The following LIPE variants were observed in gnomAD, a reference collection of about 807,000 sequenced individuals.
The protein encoded by LIPE is hormone-sensitive lipase.
LIPE carries 66 observed loss-of-function variants against 88.5 expected under a neutral mutation model. That is an observed-to-expected ratio of 0.75 (90% confidence interval 0.61 to 0.91). The LOEUF (loss-of-function observed/expected upper bound fraction) is 0.91, where lower values mean the gene tolerates loss of function less well. Among genes scored for constraint, LIPE ranks in the 40% least tolerant of loss-of-function variants. The pLI is 0.00. For missense variants in LIPE, 1,346 were observed against 1,434.7 expected, an observed-to-expected ratio of 0.94 and a Z score of 1.00; for synonymous variants, 570 against 617.5, an observed-to-expected ratio of 0.92 and a Z score of 1.14.
In LIPE at chr19:42,426,994, A is replaced by C. The variant is rs1211910697; in HGVS notation, c.156T>G (p.Ala52=). ...LQGSNTQQKP[A]SNQRPLTQQE... ...GCTGGGTGAGGGGTCTTTGGTTTGAAGCAGGCTTCTGTTGGGTATTGGATC... is the reference window on the plus strand; with the variant it reads ...GCTGGGTGAGGGGTCTTTGGTTTGACGCAGGCTTCTGTTGGGTATTGGATC... Residue 52 remains alanine (A), a synonymous_variant, in exon 1 of 10, where the codon GCT becomes GCG. Coordinates refer to ENST00000244289, the MANE Select transcript of LIPE (RefSeq NM_005357.4). The C allele has an allele frequency of 2.5e-6, 4 of 1,613,584 alleles. No homozygotes were observed. The highest frequency in any genetic ancestry group is 3.4e-6 in the Non-Finnish European group (4 of 1,179,958).
rs1263816836 is a variant in LIPE, at chr19:42,410,025, A to C, written c.1419+282T>G. Among the ~76,000 whole-genome samples, 1 of 152,186 alleles carries C rather than the reference A, an allele frequency of 6.6e-6. No homozygotes were observed. Among genetic ancestry groups the C allele is most frequent in the African/African-American group, 2.4e-5 (1 of 41,420 alleles). On this transcript the variant is annotated intron_variant, in intron 2 of 9. Coordinates refer to ENST00000244289, the MANE Select transcript of LIPE (RefSeq NM_005357.4). The surrounding 1 kb of genome is among the most constrained non-coding windows in gnomAD (Gnocchi z 6.1). Reference sequence around the variant, plus strand: ...GCCAGACAGGTAACAAAGAGTGAATACATCTCTTGCATGTAGGACAATAGA... The same window carrying C: ...GCCAGACAGGTAACAAAGAGTGAATCCATCTCTTGCATGTAGGACAATAGA...
chr19:42,405,042 T>C (rs191879164), intron 8 of LIPE, among the ~76,000 whole-genome samples: 1 of 151,996 alleles, frequency 6.6e-6, no homozygotes, highest in East Asian at 1.9e-4. Context: ...TGCTAATTTA[T>C]TTTTTTGTAG....
chr19:42,405,578 G>T lies in LIPE; in HGVS notation c.2366-17C>A. On this transcript the variant is annotated splice_polypyrimidine_tract_variant and intron_variant, in intron 7 of 9. Transcript: ENST00000244289. ...TCTTTGCACCTGCAGAATATATGTG[G>T]GTAGCTGAGTTGTTTTCCCCTTTCT... 1 of 1,599,490 alleles carries T rather than the reference G, an allele frequency of 6.3e-7. No individual in the cohort carries two copies. The highest frequency in any genetic ancestry group is 8.5e-7 in the Non-Finnish European group (1 of 1,169,724).
At position 42,408,570 on chromosome 19, in the gene LIPE, A is replaced by G; in HGVS notation, c.1420-248T>C. On this transcript the variant is annotated intron_variant, in intron 2 of 9. Coordinates refer to ENST00000244289, the MANE Select transcript of LIPE (RefSeq NM_005357.4). The surrounding 1 kb of genome is among the most constrained non-coding windows in gnomAD (Gnocchi z 4.3). ...AAGGAATGACGAATGGTTTGGAAAA[A>G]AAAAAAGGCAGTAGGTGGAGAGGGC... 1 of 507,122 alleles carries G rather than the reference A, an allele frequency of 2.0e-6. No homozygotes were observed. The highest frequency in any genetic ancestry group is 2.1e-5 in the South Asian group (1 of 47,660). The allele number at this position is 507,122 out of a possible 1,614,324, so 31.4% of individuals were successfully genotyped here.
Position 42,401,667 on chromosome 19 carries a change from TCCCCGTGG to T in LIPE, c.*137_*144del. 1 of 476,046 alleles carries T rather than the reference TCCCCGTGG, an allele frequency of 2.1e-6. No homozygotes were observed. Among genetic ancestry groups the T allele is most frequent in the Non-Finnish European group, 3.5e-6 (1 of 282,572 alleles). 29.5% of individuals were successfully genotyped at this position (476,046 alleles called of 1,614,324 possible). A position where few individuals can be genotyped will look rare whatever the true frequency, so the allele number is the denominator to read the frequency against. ...TGACCGGTGTGTGTGCGCGTCCCCC[TCCCCGTGG>T]CGAGGGTCTCAGCTTTCGGGCCCCC... is the stretch of plus-strand genomic sequence containing the variant. On this transcript the variant is annotated 3_prime_UTR_variant, in exon 10 of 10. Coordinates refer to ENST00000244289, the MANE Select transcript of LIPE (RefSeq NM_005357.4).
At chr19:42,403,344 G>C (rs191501148) in intron 8 of LIPE, among the ~76,000 whole-genome samples, 100 of 148,510 alleles carry the variant, frequency 6.7e-4, no homozygotes, top group African/African-American at 2.3e-3. Context: ...TTTTCTTCTA[G>C]ATCAAGGAAA....
intron 1 of LIPE, among the ~76,000 whole-genome samples, chr19:42,413,984 A>G (rs982039048): frequency 2.0e-5 from 3 of 152,188 alleles, no homozygotes; most frequent in African/African-American, 7.2e-5. Context: ...AGCTGTGAAA[A>G]TGGGACGATG....
Position 42,401,832 on chromosome 19 carries a change from CCCCGTCTA to C in LIPE, c.3203_3210del (p.Val1068GlyfsTer20). ...GGCTTTTAGTGTCGCCCCCCGCAGCCCCCGTCTACCCCCGCAGCCCCCGTCTCCCCGCT... is the reference window on the plus strand; with the variant it reads ...GGCTTTTAGTGTCGCCCCCCGCAGCCCCCCCGCAGCCCCCGTCTCCCCGCT... On this transcript the variant is annotated frameshift_variant, in exon 10 of 10. Transcript: ENST00000244289. LOFTEE classifies it high-confidence loss of function. 6.7e-7 allele frequency: 1 copy of C among 1,492,766 alleles called. No homozygotes were observed. Among genetic ancestry groups the C allele is most frequent in the African/African-American group, 1.4e-5 (1 of 69,558 alleles). 92.5% of individuals were successfully genotyped at this position (1,492,766 alleles called of 1,614,324 possible).
intron 1 of LIPE, chr19:42,423,852 C>T: frequency 8.9e-7 from 1 of 1,123,364 alleles, no homozygotes; most frequent in South Asian, 2.1e-5. Context: ...AGCACCCCAG[C>T]AGGGAAGTCC....
intron 1 of LIPE, chr19:42,423,368 G>C (rs2040638759): frequency 5.6e-5 from 71 of 1,262,696 alleles, no homozygotes; most frequent in Non-Finnish European, 7.3e-5. Context: ...CCACTGCCCC[G>C]TAGGATGTAC....
chr19:42,426,228 G>C, intron 1 of LIPE, 39 bp downstream of exon 1: 1 of 1,548,450 alleles, frequency 6.5e-7, no homozygotes, highest in Non-Finnish European at 8.8e-7. Flanking sequence ...ATGAATGACT[G>C]TCCCTGAGAG....
At chr19:42,423,704 C>T in intron 1 of LIPE, 3 of 1,138,210 alleles carry the variant, frequency 2.6e-6, no homozygotes, top group Non-Finnish European at 3.3e-6. Flanking sequence ...CGCTGCCGTG[C>T]TCCGCCCCCA....
chr19:42,402,010 G>A lies in LIPE; in HGVS notation c.3033C>T (p.Gly1011=). The change falls in exon 10 of 10, where the codon GGC becomes GGT. Residue 1011 remains glycine, a synonymous_variant. Coordinates refer to ENST00000244289, the MANE Select transcript of LIPE (RefSeq NM_005357.4). ...VMLARRLRNL[G]QPVTLRVVED... ...CCACCACGCGCAGCGTCACCGGCTG[G>A]CCCAGGTTGCGCAGTCGCCGCGCGA... 6.5e-7 allele frequency: 1 copy of A among 1,546,526 alleles called. No individual in the cohort carries two copies. Among genetic ancestry groups the A allele is most frequent in the Non-Finnish European group, 8.7e-7 (1 of 1,147,270 alleles).
At chr19:42,419,286 TTAAAA>T (rs978334047) in intron 1 of LIPE, among the ~76,000 whole-genome samples, 12 of 151,640 alleles carry the variant, frequency 7.9e-5, no homozygotes, top group African/African-American at 2.2e-4. Flanking sequence ...CTCAAAAAAA[TTAAAA>T]TAAAATAAAT....
In LIPE at chr19:42,407,073, G is replaced by T; in HGVS notation, c.2137+101C>A. The T allele has an allele frequency of 2.9e-6, 3 of 1,034,262 alleles. No individual in the cohort carries two copies. Among genetic ancestry groups the T allele is most frequent in the African/African-American group, 1.6e-5 (1 of 61,950 alleles). 64.1% of individuals were successfully genotyped at this position (1,034,262 alleles called of 1,614,324 possible). On this transcript the variant is annotated intron_variant, in intron 6 of 9. Transcript: ENST00000244289. This position sits in a 1 kb window ranked among gnomAD's most constrained non-coding sequence, Gnocchi z 5.8. ...TGAGCAGGAGCTGGGAGGTGTGGGG[G>T]GAGAGAAAGGTAGAGGGTGTGAGGC...
In LIPE at chr19:42,408,265, C is replaced by G; in HGVS notation, c.1477G>C (p.Gly493Arg). 6.2e-7 allele frequency: 1 copy of G among 1,614,020 alleles called. No individual in the cohort carries two copies. Among genetic ancestry groups the G allele is most frequent in the Non-Finnish European group, 8.5e-7 (1 of 1,180,000 alleles). Residue 493 changes from glycine to arginine, a missense_variant, in exon 3 of 10, where the codon GGG (glycine) becomes CGG (arginine). Transcript: ENST00000244289. The surrounding 1 kb of genome is among the most constrained non-coding windows in gnomAD (Gnocchi z 4.3). ...QTISIGLVSFGEHYKRNETGL... is the reference protein window; with the variant it reads ...QTISIGLVSFREHYKRNETGL... ...GTCTCGTTGCGTTTGTAGTGCTCCC[C>G]GAAGGACACCAGCCCAATGGAGATG...
Position 42,405,452 on chromosome 19 carries a change from G to A in LIPE, c.2475C>T (p.Ser825=). Reference sequence around the variant, plus strand: ...ACTCCAGGAAGGAGTTGAGCCATGAGGAGGCACCCAGGCGGAAGTCTCGGA... The same window carrying A: ...ACTCCAGGAAGGAGTTGAGCCATGAAGAGGCACCCAGGCGGAAGTCTCGGA... The part of the protein sequence containing the change: ...LLLRDFRLGA[S]SWLNSFLELS... Residue 825 remains serine, a synonymous_variant, in exon 8 of 10, where the codon TCC becomes TCT. Transcript: ENST00000244289. 2 of 1,614,054 alleles carry A rather than the reference G, an allele frequency of 1.2e-6. No homozygotes were observed. The highest frequency in any genetic ancestry group is 1.7e-6 in the Non-Finnish European group (2 of 1,180,020).
Position 42,427,271 on chromosome 19 carries a change from A to T in LIPE, c.-122T>A. ...ATGATGGCACTTCCTCTTGGGTTTC[A>T]CTCCATCCTAGCATCACTGGTCTTC... is the stretch of plus-strand genomic sequence containing the variant. On this transcript the variant is annotated 5_prime_UTR_variant, in exon 1 of 10. An upstream open reading frame in the 5' UTR loses its in-frame stop. Transcript: ENST00000244289. The T allele has an allele frequency of 7.0e-7, 1 of 1,431,668 alleles. No individual in the cohort carries two copies. The highest frequency in any genetic ancestry group is 9.1e-7 in the Non-Finnish European group (1 of 1,097,546). The allele number at this position is 1,431,668 out of a possible 1,614,324, so 88.7% of individuals were successfully genotyped here.
intron 1 of LIPE, chr19:42,423,109 G>T: frequency 3.5e-6 from 1 of 287,144 alleles, no homozygotes; most frequent in Non-Finnish European, 6.9e-6. Flanking sequence ...AACACTGAGG[G>T]CATCCGTTGC....
Sources: allele counts gnomAD v4.1 joint callset (sites outside exome capture counted in the v4.1 genomes callset), GRCh38; gene constraint gnomAD v4.1.1; non-coding constraint Gnocchi (gnomAD v3.1); transcripts MANE v1.5; gene names NCBI Gene and HGNC (gene_info 2026-07-23, HGNC 2026-07-21).